Variants in AGBL4 observed in about 807,000 individuals in gnomAD.
AGBL4 encodes AGBL carboxypeptidase 4.
In AGBL4, 58 loss-of-function variants were observed where a neutral mutation model predicts 66.4. That is an observed-to-expected ratio of 0.87 (90% CI 0.71 to 1.09). The LOEUF (loss-of-function observed/expected upper bound fraction) is 1.09, where lower values mean the gene tolerates loss of function less well. Ranked by LOEUF, AGBL4 falls within the 50% of genes least tolerant of loss-of-function variation. AGBL4 has a pLI of 0.00. For missense variants in AGBL4, 579 were observed against 631.0 expected, an observed-to-expected ratio of 0.92 and a Z score of 0.88; for synonymous variants, 234 against 222.9, an observed-to-expected ratio of 1.05 and a Z score of -0.44.
intron 4 of AGBL4, among the ~76,000 whole-genome samples, chr1:49,095,519 T>C (rs1429908103): frequency 6.6e-6 from 1 of 152,050 alleles, no homozygotes; most frequent in Non-Finnish European, 1.5e-5. Flanking sequence ...GAACAGAGCC[T>C]TCAGAAATAA....
At chr1:49,493,779 A>ACAAAAAAT (rs1647282932) in intron 3 of AGBL4, among the ~76,000 whole-genome samples, 2 of 152,162 alleles carry the variant, frequency 1.3e-5, no homozygotes, top group African/African-American at 4.8e-5. Flanking sequence ...TATCATTTTG[A>ACAAAAAAT]CAAAAAATAA....
In AGBL4 at chr1:48,769,436, C is replaced by T. The variant is rs1644693997; in HGVS notation, c.634+97755G>A. On this transcript the variant is annotated intron_variant, in intron 6 of 13. Transcript: ENST00000371839. ...AGGGCTGCTGCCAACACAATAAATG[C>T]CCCCAGGATAGGGTCGCAGAGGAAC... Among the ~76,000 whole-genome samples, 7 of 151,838 alleles carry T rather than the reference C, an allele frequency of 4.6e-5. No homozygotes were observed. In the South Asian group the frequency reaches 1.5e-3, roughly 32 times the overall value.
At chr1:48,953,395 A>G (rs1657163723) in intron 5 of AGBL4, among the ~76,000 whole-genome samples, 2 of 152,160 alleles carry the variant, frequency 1.3e-5, no homozygotes, top group South Asian at 4.1e-4. Flanking sequence ...GATTACCTCT[A>G]CTGCCTAGGC....
chr1:49,338,330 T>C (rs1362983533), intron 3 of AGBL4, among the ~76,000 whole-genome samples: 1 of 152,238 alleles, frequency 6.6e-6, no homozygotes, highest in Non-Finnish European at 1.5e-5. Context: ...AAAAATTTAC[T>C]TATTAAGATA....
rs75311286 is a variant in AGBL4 at position 49,529,872 on chromosome 1, T to C, written c.282+167441A>G. ...ATTGAAGCTCTGGGTGAATATTAAA[T>C]CATAAAAAGAGAGTGCATAACATCA... On this transcript the variant is annotated intron_variant, in intron 3 of 13. Coordinates refer to ENST00000371839, the MANE Select transcript of AGBL4 (RefSeq NM_032785.4). 1.3e-4 allele frequency among the ~76,000 whole-genome samples: 19 copies of C among 151,550 alleles called. No homozygotes were observed. In the East Asian group the frequency reaches 3.7e-3, roughly 29 times the overall value.
At chr1:48,727,831 C>T (rs1025439890) in intron 6 of AGBL4, 81 of 1,523,798 alleles carry the variant, frequency 5.3e-5, no homozygotes, top group Admixed American at 3.6e-4. Context: ...CACCATCGCT[C>T]GCAAATCACA....
intron 6 of AGBL4, among the ~76,000 whole-genome samples, chr1:48,794,540 C>A (rs1645623942): frequency 1.3e-5 from 2 of 152,308 alleles, no homozygotes; most frequent in South Asian, 2.1e-4. Context: ...CTCTACCGAA[C>A]CTACTCTCCA....
At chr1:49,619,931 A>T (rs768141993) in intron 3 of AGBL4, among the ~76,000 whole-genome samples, 3 of 152,206 alleles carry the variant, frequency 2.0e-5, no homozygotes, top group African/African-American at 7.2e-5. Context: ...CAGAAAACTG[A>T]AACTGGACCC....
intron 4 of AGBL4, among the ~76,000 whole-genome samples, chr1:49,244,240 C>A (rs1042034136): frequency 3.3e-5 from 5 of 151,778 alleles, no homozygotes; most frequent in African/African-American, 1.2e-4. Context: ...CCCTCATGAG[C>A]AAATCAACAG....
At chr1:49,450,855 C>T (rs1646263043) in intron 3 of AGBL4, among the ~76,000 whole-genome samples, 1 of 151,984 alleles carries the variant, frequency 6.6e-6, no homozygotes, top group Non-Finnish European at 1.5e-5. Context: ...AGCTGCAAAG[C>T]CATCTGTATT....
intron 2 of AGBL4, among the ~76,000 whole-genome samples, chr1:49,803,234 A>G (rs1644904820): frequency 6.6e-6 from 1 of 152,086 alleles, no homozygotes; most frequent in Admixed American, 6.6e-5. Context: ...AATCCTAACA[A>G]GATTTGATCC....
At chr1:48,548,238 CAAG>C (rs3029861) in intron 11 of AGBL4, among the ~76,000 whole-genome samples, 33,722 of 151,420 alleles carry the variant, frequency 0.22, 3,757 homozygotes, top group South Asian at 0.32. Flanking sequence ...GTGCTGGGGC[CAAG>C]AAGAAGATCG....
At chr1:49,575,889 C>T (rs954199901) in intron 3 of AGBL4, among the ~76,000 whole-genome samples, 17 of 152,164 alleles carry the variant, frequency 1.1e-4, no homozygotes, top group Admixed American at 3.3e-4. Context: ...AGACCTTCAT[C>T]GCTTTTTGCT....
intron 4 of AGBL4, among the ~76,000 whole-genome samples, chr1:49,112,281 G>C (rs1569612242): frequency 6.6e-6 from 1 of 152,150 alleles, no homozygotes; most frequent in African/African-American, 2.4e-5. Context: ...GATTAAATAA[G>C]ATACCGTATT....
intron 3 of AGBL4, among the ~76,000 whole-genome samples, chr1:49,330,932 G>A (rs1435947762): frequency 6.6e-6 from 1 of 152,086 alleles, no homozygotes; most frequent in Non-Finnish European, 1.5e-5. Flanking sequence ...GGAAAGCAGG[G>A]CAGTGCGACG....
intron 1 of AGBL4, among the ~76,000 whole-genome samples, chr1:49,948,701 A>T (rs1655791474): frequency 6.6e-6 from 1 of 150,602 alleles, no homozygotes; most frequent in Non-Finnish European, 1.5e-5. Flanking sequence ...GACACAAACA[A>T]ATGGAAGCAC....
At chr1:49,128,727 T>C (rs949118883) in intron 4 of AGBL4, among the ~76,000 whole-genome samples, 3 of 151,940 alleles carry the variant, frequency 2.0e-5, no homozygotes, top group Admixed American at 6.6e-5. Context: ...AAATGAACTA[T>C]AAATATAAAT....
At chr1:49,025,023 G>C (rs1376451801) in intron 5 of AGBL4, among the ~76,000 whole-genome samples, 2 of 152,158 alleles carry the variant, frequency 1.3e-5, no homozygotes, top group East Asian at 3.9e-4. Flanking sequence ...GAGGAAAAGA[G>C]GCACGAAGAG....
chr1:48,604,131 TCAAAACAAAA>T (rs56655236), intron 9 of AGBL4, among the ~76,000 whole-genome samples: 26,867 of 150,386 alleles, frequency 0.18, 2,938 homozygotes, highest in African/African-American at 0.31. Context: ...AGACTTCATC[TCAAAACAAAA>T]CAAAACAAAA....
Sources: allele counts gnomAD v4.1 joint callset (sites outside exome capture counted in the v4.1 genomes callset), GRCh38; gene constraint gnomAD v4.1.1; transcripts MANE v1.5; gene names NCBI Gene and HGNC (gene_info 2026-07-23, HGNC 2026-07-21).